Variants in ATP2A2 observed in about 807,000 individuals in gnomAD.
ATP2A2 encodes the protein ATPase sarcoplasmic/endoplasmic reticulum Ca2+ transporting 2.
In ATP2A2, 14 loss-of-function variants were observed where a neutral mutation model predicts 109.3. The ratio of observed to expected loss-of-function variants is 0.13; its 90% confidence interval spans 0.08 to 0.20. The LOEUF is 0.20. Ranked by LOEUF, ATP2A2 falls within the 10% of genes least tolerant of loss-of-function variation. ATP2A2 has a pLI of 1.00. For synonymous variants in ATP2A2, 506 were observed against 490.9 expected, an observed-to-expected ratio of 1.03 and a Z score of -0.41; for missense variants, 657 against 1,321.6, an observed-to-expected ratio of 0.50 and a Z score of 7.80.
chr12:110,319,570 A>G (rs1042099763), intron 5 of ATP2A2, among the ~76,000 whole-genome samples: 1 of 149,748 alleles, frequency 6.7e-6, no homozygotes, highest in Non-Finnish European at 1.5e-5. Flanking sequence ...GAAAGAGTAC[A>G]TGTTGGTTTC....
At chr12:110,311,729 GT>G (rs1379777876) in intron 5 of ATP2A2, among the ~76,000 whole-genome samples, 1 of 114,992 alleles carries the variant, frequency 8.7e-6, no homozygotes, top group African/African-American at 3.7e-5. Context: ...AAAGAGAATT[GT>G]TTAAAAAAAA....
At position 110,348,818 on chromosome 12, in the gene ATP2A2, C is replaced by G; in HGVS notation, c.*2348C>G. 1 of 985,470 alleles carries G rather than the reference C, an allele frequency of 1.0e-6. No homozygotes were observed. The highest frequency in any genetic ancestry group is 1.1e-4 in the East Asian group (1 of 8,816). The allele number at this position is 985,470 out of a possible 1,614,324, so 61.0% of individuals were successfully genotyped here. ...CATTTGGGGCAGGGGGTAAATTTTGCCAGTTTGAGCATCATGAGGTGTAAC... is the reference window on the plus strand; with the variant it reads ...CATTTGGGGCAGGGGGTAAATTTTGGCAGTTTGAGCATCATGAGGTGTAAC... On this transcript the variant is annotated 3_prime_UTR_variant, in exon 20 of 20. Transcript: ENST00000539276.
intron 5 of ATP2A2, among the ~76,000 whole-genome samples, chr12:110,320,700 G>T (rs1470631876): frequency 6.6e-6 from 1 of 152,182 alleles, no homozygotes; most frequent in Non-Finnish European, 1.5e-5. Context: ...GCTGTTCATT[G>T]CACAAGCATT....
At chr12:110,314,344 A>AC (rs1283557819) in intron 5 of ATP2A2, among the ~76,000 whole-genome samples, 1 of 151,688 alleles carries the variant, frequency 6.6e-6, no homozygotes, top group Non-Finnish European at 1.5e-5. Flanking sequence ...AAGAAAAAAA[A>AC]AAAAAAAGTA....
At chr12:110,285,699 T>C (rs886992086) in intron 3 of ATP2A2, among the ~76,000 whole-genome samples, 2 of 152,212 alleles carry the variant, frequency 1.3e-5, no homozygotes, top group Admixed American at 6.5e-5. Context: ...CATGTTGGTC[T>C]CCCATCTGTC....
At chr12:110,282,040 C>T in intron 1 of ATP2A2, 133 bp downstream of exon 1, 1 of 615,770 alleles carries the variant, frequency 1.6e-6, no homozygotes, top group Non-Finnish European at 2.6e-6. Flanking sequence ...CGGGCCAGCG[C>T]GCCGGCCCCG....
At chr12:110,329,860 A>T (rs1234983689) in intron 8 of ATP2A2, 4 of 152,240 alleles carry the variant, frequency 2.6e-5, no homozygotes, top group Non-Finnish European at 5.9e-5. Context: ...TTTTGCTTAA[A>T]CAACTTGGTA....
At position 110,350,593 on chromosome 12, in the gene ATP2A2, T is replaced by C. The variant is rs914440567; in HGVS notation, c.*4123T>C. Reference sequence around the variant, plus strand: ...AGAGGAATGAGGCTCTGTAACCTTATCTAAGAACTTGGAAGCCGTCAGCCA... The same window carrying C: ...AGAGGAATGAGGCTCTGTAACCTTACCTAAGAACTTGGAAGCCGTCAGCCA... On this transcript the variant is annotated 3_prime_UTR_variant, in exon 20 of 20. Transcript: ENST00000539276. 23 of 499,766 alleles carry C rather than the reference T, an allele frequency of 4.6e-5. No homozygotes were observed. In the East Asian group the frequency reaches 7.3e-4, roughly 16 times the overall value. 31.0% of individuals were successfully genotyped at this position (499,766 alleles called of 1,614,324 possible). A position where few individuals can be genotyped will look rare whatever the true frequency, so the allele number is the denominator to read the frequency against.
At chr12:110,323,178 T>C in intron 6 of ATP2A2, 106 bp downstream of exon 6, 1 of 882,540 alleles carries the variant, frequency 1.1e-6, no homozygotes. Context: ...CCCATCTTAA[T>C]CCTCTCTAAG....
At position 110,292,002 on chromosome 12, in the gene ATP2A2, G is replaced by A. The variant is rs35235621; in HGVS notation, c.220-18G>A. The stretch of plus-strand genomic sequence containing the variant: ...TAAGCCTAAAAAGACACATTCTAAC[G>A]TGCCATTTCTCTTCTAGGTTTTGGC... On this transcript the variant is annotated intron_variant, in intron 3 of 19. Coordinates refer to ENST00000539276, the MANE Select transcript of ATP2A2 (RefSeq NM_170665.4). The A allele has an allele frequency of 0.017, 27,962 of 1,601,134 alleles. 289 individuals carry two copies. The highest frequency in any genetic ancestry group is 0.02 in the Non-Finnish European group (23,944 of 1,168,254).
intron 7 of ATP2A2, among the ~76,000 whole-genome samples, chr12:110,326,712 AC>A (rs1414682123): frequency 6.6e-6 from 1 of 152,176 alleles, no homozygotes; most frequent in Non-Finnish European, 1.5e-5. Context: ...TCAAACTCTT[AC>A]CTGCAAACAT....
intron 1 of ATP2A2, 117 bp from the exon 2 acceptor site, chr12:110,282,487 T>C (rs779194575): frequency 2.9e-6 from 4 of 1,359,340 alleles, no homozygotes; most frequent in Non-Finnish European, 3.1e-6. Context: ...TTTAAAGATA[T>C]TGATGCTTAG....
intron 4 of ATP2A2, among the ~76,000 whole-genome samples, chr12:110,295,547 G>C (rs568693360): frequency 2.2e-4 from 34 of 152,296 alleles, no homozygotes; most frequent in African/African-American, 7.9e-4. Flanking sequence ...CACCCAACAT[G>C]ATCTTGAAGG....
intron 11 of ATP2A2, among the ~76,000 whole-genome samples, chr12:110,338,809 ACCTGCTTCTAC>A (rs1310345144): frequency 6.6e-6 from 1 of 152,178 alleles, no homozygotes; most frequent in African/African-American, 2.4e-5. Context: ...GGTCTTAATG[ACCTGCTTCTAC>A]CATCCTCTGC....
chr12:110,318,482 C>T (rs1188400983), intron 5 of ATP2A2, among the ~76,000 whole-genome samples: 1 of 151,950 alleles, frequency 6.6e-6, no homozygotes, highest in Non-Finnish European at 1.5e-5. Context: ...ATGGCAGGTT[C>T]GTTGGTTTGT....
At chr12:110,295,231 C>G (rs753014419) in intron 4 of ATP2A2, among the ~76,000 whole-genome samples, 1 of 152,128 alleles carries the variant, frequency 6.6e-6, no homozygotes, top group Non-Finnish European at 1.5e-5. Flanking sequence ...GTCATAATCA[C>G]AGCTCACTCC....
At chr12:110,311,826 C>G (rs1006034158) in intron 5 of ATP2A2, among the ~76,000 whole-genome samples, 8 of 151,108 alleles carry the variant, frequency 5.3e-5, no homozygotes, top group Non-Finnish European at 1.0e-4. Flanking sequence ...TCACTTGAGC[C>G]CAGGAGTTTG....
intron 5 of ATP2A2, among the ~76,000 whole-genome samples, chr12:110,301,285 A>C (rs1874610345): frequency 6.6e-6 from 1 of 152,214 alleles, no homozygotes; most frequent in Non-Finnish European, 1.5e-5. Flanking sequence ...AGAGGAAACT[A>C]CAACTGTGAT....
At chr12:110,285,915 CT>C (rs371107246) in intron 3 of ATP2A2, among the ~76,000 whole-genome samples, 1,967 of 120,580 alleles carry the variant, frequency 0.016, 10 homozygotes, top group East Asian at 0.019. Flanking sequence ...TGAGTTAGTG[CT>C]TTTTTTTTTT....
Sources: gnomAD v4.1 joint callset for allele counts (sites outside exome capture counted in the v4.1 genomes callset) on GRCh38, gnomAD v4.1.1 for gene constraint, MANE v1.5 for transcripts, NCBI Gene and HGNC (gene_info 2026-07-23, HGNC 2026-07-21) for gene names.